The following VPS28 variants were observed in gnomAD, a reference collection of about 807,000 sequenced individuals.
VPS28 encodes the protein VPS28 subunit of ESCRT-I, also known as vacuolar protein sorting-associated protein 28 homolog.
VPS28 carries 29 observed loss-of-function variants against 33.7 expected under a neutral mutation model. The ratio of observed to expected loss-of-function variants is 0.86; its 90% CI spans 0.64 to 1.17. VPS28 has a LOEUF of 1.17. VPS28 is among the 50% of genes most tolerant of loss of function. The pLI, the probability that VPS28 is intolerant of heterozygous loss-of-function variation, is 0.00. For missense variants in VPS28, 247 were observed against 312.2 expected, an observed-to-expected ratio of 0.79 and a Z score of 1.57; for synonymous variants, 164 against 116.7, an observed-to-expected ratio of 1.40 and a Z score of -2.61.
At position 144,424,736 on chromosome 8, in the gene VPS28, G is replaced by A. The variant is rs1554876223; in HGVS notation, c.384C>T (p.Cys128=). 6.2e-7 allele frequency: 1 copy of A among 1,612,886 alleles called. No homozygotes were observed. The highest frequency in any genetic ancestry group is 1.1e-5 in the South Asian group (1 of 91,084). Residue 128 remains cysteine (C), a synonymous_variant, in exon 7 of 10, where the codon TGC becomes TGT. Coordinates refer to ENST00000292510, the MANE Select transcript of VPS28 (RefSeq NM_016208.4). ...IKDDKGNLNR[C]IADVVSLFIT... Reference sequence around the variant, plus strand: ...GGCGCACCGAGACCACGTCTGCGATGCAGCGGTTGAGGTTGCCCTTGTCGT... The same window carrying A: ...GGCGCACCGAGACCACGTCTGCGATACAGCGGTTGAGGTTGCCCTTGTCGT...
rs1822743437 is a variant in VPS28 at position 144,426,363 on chromosome 8, C to T, written c.38-155G>A. 4.9e-6 allele frequency: 5 copies of T among 1,012,938 alleles called. No homozygotes were observed. The Admixed American group carries it at 9.4e-5, about 19-fold the overall frequency. 62.7% of individuals were successfully genotyped at this position (1,012,938 alleles called of 1,614,324 possible). A position where few individuals can be genotyped will look rare whatever the true frequency, so the allele number is the denominator to read the frequency against. On this transcript the variant is annotated intron_variant, in intron 2 of 9. Transcript: ENST00000292510. ...TGGAGCACAGAGGTTCCAACCTCACCCCTATCAGTGTGTGGGGGGACCTGA... is the reference window on the plus strand; with the variant it reads ...TGGAGCACAGAGGTTCCAACCTCACTCCTATCAGTGTGTGGGGGGACCTGA...
rs782109725 is a variant in VPS28 at position 144,424,056 on chromosome 8, T to C, written c.533A>G (p.Gln178Arg). Residue 178 changes from glutamine (Q) to arginine (R), a missense_variant, in exon 9 of 10, where the codon CAG (glutamine) becomes CGG (arginine). Coordinates refer to ENST00000292510, the MANE Select transcript of VPS28 (RefSeq NM_016208.4). ...GGACACCCACCACTGGCTGACCGTCTGGCGGCCCTCAAAGTCGGGTGGGAG... is the reference window on the plus strand; with the variant it reads ...GGACACCCACCACTGGCTGACCGTCCGGCGGCCCTCAAAGTCGGGTGGGAG... ...SHLPPDFEGR[Q>R]TVSQWLQTLS... 1.9e-6 allele frequency: 3 copies of C among 1,575,094 alleles called. No homozygotes were observed.
At chr8:144,423,989 TGGGA>T in intron 9 of VPS28, 48 bp downstream of exon 9, 2 of 1,608,896 alleles carry the variant, frequency 1.2e-6, no homozygotes, top group Non-Finnish European at 8.5e-7. Flanking sequence ...TCCGCCTGGC[TGGGA>T]GGGTCTCGGG....
Position 144,425,670 on chromosome 8 carries a change from C to G in VPS28, c.194+13G>C. 3.7e-6 allele frequency: 6 copies of G among 1,613,426 alleles called. No homozygotes were observed. The highest frequency in any genetic ancestry group is 5.1e-6 in the Non-Finnish European group (6 of 1,179,666). ...CAGGGCAGGAACAGACCTCCCAGGA[C>G]GTGGGCTCTTACTCGCTGGGGGAGA... On this transcript the variant is annotated intron_variant, in intron 5 of 9. Coordinates refer to ENST00000292510, the MANE Select transcript of VPS28 (RefSeq NM_016208.4).
At chr8:144,426,724 C>T (rs1822777362) in intron 2 of VPS28, 185 bp downstream of exon 2, 2 of 638,802 alleles carry the variant, frequency 3.1e-6, no homozygotes, top group Non-Finnish European at 5.3e-6. Context: ...AGGACCAAGC[C>T]AGTTCTGTCT....
intron 8 of VPS28, 21 bp from the exon 9 acceptor site, chr8:144,424,153 G>C: frequency 6.4e-7 from 1 of 1,552,408 alleles, no homozygotes; most frequent in Non-Finnish European, 8.7e-7. Context: ...CACAGCGGCT[G>C]GGACCCCGAC....
At position 144,423,653 on chromosome 8, in the gene VPS28, CG is replaced by C; in HGVS notation, c.*151del. 2.0e-6 allele frequency: 2 copies of C among 1,011,560 alleles called. No individual in the cohort carries two copies. Among genetic ancestry groups the C allele is most frequent in the Non-Finnish European group, 2.9e-6 (2 of 684,410 alleles). 62.7% of individuals were successfully genotyped at this position (1,011,560 alleles called of 1,614,324 possible). A position where few individuals can be genotyped will look rare whatever the true frequency, so the allele number is the denominator to read the frequency against. On this transcript the variant is annotated 3_prime_UTR_variant, in exon 10 of 10. Transcript: ENST00000292510. ...AGCATCTTTATTGTGGGGAGGGGCCCGGCCCCCAAAGTTCTGACACCAAAGA... is the reference window on the plus strand; with the variant it reads ...AGCATCTTTATTGTGGGGAGGGGCCCGCCCCCAAAGTTCTGACACCAAAGA...
At chr8:144,428,109 A>C (rs977866515) in intron 1 of VPS28, among the ~76,000 whole-genome samples, 1 of 152,022 alleles carries the variant, frequency 6.6e-6, no homozygotes, top group Non-Finnish European at 1.5e-5. Context: ...GTCGCCGCTC[A>C]TGTAGGTAGG....
At chr8:144,426,875 G>C (rs782121532) in intron 2 of VPS28, 34 bp downstream of exon 2, 6 of 1,611,100 alleles carry the variant, frequency 3.7e-6, no homozygotes, top group African/African-American at 1.3e-5. Context: ...CTGCAGAAGC[G>C]GCTGAAAGCC....
At position 144,424,137 on chromosome 8, in the gene VPS28, G is replaced by GAC; in HGVS notation, c.457-7_457-6dup. On this transcript the variant is annotated splice_region_variant and splice_polypyrimidine_tract_variant and intron_variant, in intron 8 of 9. Transcript: ENST00000292510. Reference sequence around the variant, plus strand: ...CTCTCGCAGGTCGGGCTGGATCTGAGACACACACAGCGGCTGGGACCCCGA... The same window carrying GAC: ...CTCTCGCAGGTCGGGCTGGATCTGAGACACACACACAGCGGCTGGGACCCCGA... 6.4e-7 allele frequency: 1 copy of GAC among 1,550,860 alleles called. No homozygotes were observed. Among genetic ancestry groups the GAC allele is most frequent in the Middle Eastern group, 1.7e-4 (1 of 5,748 alleles).
chr8:144,424,584 G>C, intron 7 of VPS28, 134 bp downstream of exon 7: 1 of 1,034,812 alleles, frequency 9.7e-7, no homozygotes, highest in Non-Finnish European at 1.4e-6. Flanking sequence ...CTCATTCCTA[G>C]TTAAAGGGGT....
intron 1 of VPS28, chr8:144,427,347 G>GT (rs1305527305): frequency 1.1e-5 from 2 of 176,576 alleles, no homozygotes; most frequent in African/African-American, 2.4e-5. Flanking sequence ...AAGACAGCCC[G>GT]TAAGTGCCAG....
In VPS28 at chr8:144,425,240, A is replaced by C. The variant is rs925327913; in HGVS notation, c.195-189T>G. ...GCCCTGAGCACGTAGTGGGGCTTGT[A>C]GCTCGGCTCCAGGTGGAGACCCCGG... On this transcript the variant is annotated intron_variant, in intron 5 of 9. Transcript: ENST00000292510. 10 of 608,330 alleles carry C rather than the reference A, an allele frequency of 1.6e-5. No individual in the cohort carries two copies. In the Admixed American group the frequency reaches 2.9e-4, roughly 18 times the overall value. 37.7% of individuals were successfully genotyped at this position (608,330 alleles called of 1,614,324 possible). A position where few individuals can be genotyped will look rare whatever the true frequency, so the allele number is the denominator to read the frequency against.
intron 5 of VPS28, 148 bp from the exon 6 acceptor site, chr8:144,425,199 A>G: frequency 4.4e-6 from 3 of 688,404 alleles, no homozygotes; most frequent in Non-Finnish European, 4.9e-6. Context: ...GGCTGCTAGT[A>G]GCTTTTGGGG....
Position 144,423,739 on chromosome 8 carries a change from C to A in VPS28, c.*66G>T, listed in dbSNP as rs1010655511. 6.3e-7 allele frequency: 1 copy of A among 1,592,580 alleles called. No individual in the cohort carries two copies. Among genetic ancestry groups the A allele is most frequent in the Admixed American group, 1.7e-5 (1 of 58,996 alleles). The stretch of plus-strand genomic sequence containing the variant: ...GTGTGGATGACCACGGCCTGTGTGG[C>A]GGACAGGGGACCAGGAGCCATCGCC... On this transcript the variant is annotated 3_prime_UTR_variant, in exon 10 of 10. Transcript: ENST00000292510.
At position 144,426,634 on chromosome 8, in the gene VPS28, T is replaced by C. The variant is rs535266710; in HGVS notation, c.37+275A>G. 1.6e-5 allele frequency: 8 copies of C among 493,680 alleles called. No homozygotes were observed. The East Asian group carries it at 2.9e-4, about 18-fold the overall frequency. The allele number at this position is 493,680 out of a possible 1,614,324, so 30.6% of individuals were successfully genotyped here. A position where few individuals can be genotyped will look rare whatever the true frequency, so the allele number is the denominator to read the frequency against. On this transcript the variant is annotated intron_variant, in intron 2 of 9. Coordinates refer to ENST00000292510, the MANE Select transcript of VPS28 (RefSeq NM_016208.4). Reference sequence around the variant, plus strand: ...CCAACAAGGCTCACCACACACAGCCTCTCCCCTGGGATTGGTGACACAGGG... The same window carrying C: ...CCAACAAGGCTCACCACACACAGCCCCTCCCCTGGGATTGGTGACACAGGG...
chr8:144,423,986 G>C (rs144946102), intron 9 of VPS28, 55 bp downstream of exon 9: 1 of 1,609,162 alleles, frequency 6.2e-7, no homozygotes, highest in Admixed American at 1.7e-5. Context: ...GGCTCCGCCT[G>C]GCTGGGAGGG....
intron 5 of VPS28, 105 bp downstream of exon 5, chr8:144,425,578 A>G (rs1373135586): frequency 3.2e-6 from 4 of 1,261,216 alleles, no homozygotes; most frequent in South Asian, 1.3e-5. Context: ...GGTGGGCCCC[A>G]CACAAGTGGG....
chr8:144,426,335 A>T, intron 2 of VPS28, 127 bp from the exon 3 acceptor site: 1 of 1,301,116 alleles, frequency 7.7e-7, no homozygotes, highest in Non-Finnish European at 1.0e-6. Flanking sequence ...GCCCAGAGGG[A>T]GCTGGAGCAC....
Sources: gnomAD v4.1 joint callset for allele counts (sites outside exome capture counted in the v4.1 genomes callset) on GRCh38, gnomAD v4.1.1 for gene constraint, MANE v1.5 for transcripts, NCBI Gene and HGNC (gene_info 2026-07-23, HGNC 2026-07-21) for gene names.